ZNF236: variants seen among roughly 807,000 people sequenced by gnomAD.
ZNF236 encodes zinc finger protein 236, also known as regulated by glucose.
ZNF236 carries 50 observed loss-of-function variants against 191.2 expected under a neutral mutation model. The ratio of observed to expected loss-of-function variants is 0.26; its 90% confidence interval spans 0.21 to 0.33. The LOEUF is 0.33. Among genes scored for constraint, ZNF236 ranks in the 10% least tolerant of loss-of-function variants. The pLI, the probability that ZNF236 is intolerant of heterozygous loss-of-function variation, is 1.00. For synonymous variants in ZNF236, 907 were observed against 928.8 expected (o/e 0.98, Z 0.43); for missense variants, 1,754 against 2,374.5 (o/e 0.74, Z 5.43).
Position 76,904,421 on chromosome 18 carries a change from T to G in ZNF236, c.1936T>G (p.Tyr646Asp), listed in dbSNP as rs1205537314. Residue 646 changes from tyrosine (Y) to aspartate (D), a missense_variant, in exon 12 of 31, where the codon TAT becomes GAT. Physicochemically the swap from Tyr to Asp is radical, Grantham distance 160. Around this residue, in one of 5 missense-constraint regions of ZNF236, gnomAD observed 641 missense variants for 869.6 expected, o/e 0.74. Transcript: ENST00000320610. ...PIPKNQFFQS[Y>D]FNNNFVNEAD... ...TCCAAAAAACCAGTTTTTCCAAAGC[T>G]ATTTCAATAATAATTTTGTCAATGA... 6.2e-7 allele frequency: 1 copy of G among 1,609,892 alleles called. No individual in the cohort carries two copies. Among genetic ancestry groups the G allele is most frequent in the South Asian group, 1.1e-5 (1 of 90,430 alleles).
At chr18:76,915,548 A>G in intron 18 of ZNF236, 99 bp from the exon 19 acceptor site, 1 of 1,107,004 alleles carries the variant, frequency 9.0e-7, no homozygotes, top group Non-Finnish European at 1.3e-6. Flanking sequence ...TAATGTTGTA[A>G]CTTATTAAAC....
At position 76,882,595 on chromosome 18, in the gene ZNF236, T is replaced by C. The variant is rs1164955134; in HGVS notation, c.1417+1083T>C. ...TCTTGGGGAACAAGTGCATTCTTGCTACAAAGCATGGAATAACATTGCCAT... is the reference window on the plus strand; with the variant it reads ...TCTTGGGGAACAAGTGCATTCTTGCCACAAAGCATGGAATAACATTGCCAT... On this transcript the variant is annotated intron_variant, in intron 9 of 30. Transcript: ENST00000320610. Among the ~76,000 whole-genome samples the C allele has an allele frequency of 2.6e-5, 4 of 152,354 alleles. No homozygotes were observed. In the East Asian group the frequency reaches 7.7e-4, roughly 29 times the overall value.
intron 7 of ZNF236, among the ~76,000 whole-genome samples, chr18:76,879,347 CCTCTT>C (rs1347726904): frequency 4.6e-5 from 7 of 152,178 alleles, no homozygotes; most frequent in Admixed American, 1.3e-4. Flanking sequence ...ACCATATACT[CCTCTT>C]CTCTTGTGCT....
intron 10 of ZNF236, among the ~76,000 whole-genome samples, chr18:76,897,702 CAAACACAGTACT>C (rs995629699): frequency 2.0e-5 from 3 of 151,952 alleles, no homozygotes; most frequent in East Asian, 1.9e-4. Context: ...CATATAGTAA[CAAACACAGTACT>C]AAACACAGTA....
At chr18:76,900,572 A>C (rs1977560796) in intron 11 of ZNF236, among the ~76,000 whole-genome samples, 1 of 152,192 alleles carries the variant, frequency 6.6e-6, no homozygotes, top group African/African-American at 2.4e-5. Context: ...TTCACTGAAA[A>C]ACTTATAAAA....
At chr18:76,937,674 A>C (rs1312774040) in intron 26 of ZNF236, among the ~76,000 whole-genome samples, 1 of 152,212 alleles carries the variant, frequency 6.6e-6, no homozygotes, top group Non-Finnish European at 1.5e-5. Flanking sequence ...GCAGAAATTT[A>C]TAAAATGATG....
chr18:76,823,189 G>A (rs1197322968), intron 1 of ZNF236, among the ~76,000 whole-genome samples: 1 of 152,118 alleles, frequency 6.6e-6, no homozygotes, highest in East Asian at 1.9e-4. Flanking sequence ...GGGAGGCCGT[G>A]GAGCGCGGGG....
intron 1 of ZNF236, among the ~76,000 whole-genome samples, chr18:76,826,413 C>T (rs1360933901): frequency 2.0e-5 from 3 of 151,322 alleles, no homozygotes; most frequent in East Asian, 2.0e-4. Flanking sequence ...CGTGAGCTAC[C>T]GCGACCGGCC....
At chr18:76,891,424 G>C (rs1216220317) in intron 9 of ZNF236, among the ~76,000 whole-genome samples, 1 of 152,038 alleles carries the variant, frequency 6.6e-6, no homozygotes, top group Admixed American at 6.6e-5. Flanking sequence ...CCAGGCTGCA[G>C]TGTGGTGCCA....
intron 9 of ZNF236, among the ~76,000 whole-genome samples, chr18:76,883,122 GGT>G (rs139145892): frequency 0.016 from 2,415 of 152,274 alleles, 30 homozygotes; most frequent in Middle Eastern, 0.02. Flanking sequence ...CGCATGTGCT[GGT>G]GAAGCAGCTT....
At chr18:76,937,657 A>C (rs575585823) in intron 26 of ZNF236, among the ~76,000 whole-genome samples, 1 of 152,172 alleles carries the variant, frequency 6.6e-6, no homozygotes, top group Non-Finnish European at 1.5e-5. Context: ...CATAGTTATA[A>C]ATTTCTGCAG....
chr18:76,853,388 A>G (rs935549992), intron 3 of ZNF236, among the ~76,000 whole-genome samples: 8 of 152,094 alleles, frequency 5.3e-5, no homozygotes, highest in Non-Finnish European at 1.2e-4. Context: ...CTGACTTCAT[A>G]TTTTCTACGT....
At chr18:76,827,192 G>A (rs939612026) in intron 1 of ZNF236, among the ~76,000 whole-genome samples, 2 of 150,596 alleles carry the variant, frequency 1.3e-5, no homozygotes, top group African/African-American at 2.4e-5. Context: ...CACAGTGCCC[G>A]GCCTGTTGTT....
intron 26 of ZNF236, among the ~76,000 whole-genome samples, chr18:76,937,799 C>G (rs779623919): frequency 2.6e-5 from 4 of 152,124 alleles, no homozygotes; most frequent in Non-Finnish European, 1.5e-5. Flanking sequence ...TGAATTCCTA[C>G]CAGTAGAAGT....
chr18:76,962,689 G>C (rs1968693067), intron 30 of ZNF236, among the ~76,000 whole-genome samples: 2 of 152,326 alleles, frequency 1.3e-5, no homozygotes, highest in South Asian at 4.1e-4. Flanking sequence ...CCAACCATGA[G>C]CATGGGATGT....
Position 76,859,666 on chromosome 18 carries a change from T to C in ZNF236, c.363+7727T>C, listed in dbSNP as rs118060960. On this transcript the variant is annotated intron_variant, in intron 3 of 30. Transcript: ENST00000320610. ...AGACATGATGTTATTGAAACTGAAG[T>C]ACCTCAATCTAGTTTCTGGGTGTTA... Among the ~76,000 whole-genome samples, 293 of 152,304 alleles carry C rather than the reference T, an allele frequency of 1.9e-3. 4 individuals carry two copies. The East Asian group carries it at 0.032, about 17-fold the overall frequency.
At chr18:76,832,713 A>G (rs1975208870) in intron 1 of ZNF236, among the ~76,000 whole-genome samples, 1 of 152,012 alleles carries the variant, frequency 6.6e-6, no homozygotes, top group Non-Finnish European at 1.5e-5. Context: ...AATTGTTGGT[A>G]CTTTTCAATT....
At chr18:76,936,009 C>T (rs772479879) in intron 25 of ZNF236, 3 of 457,046 alleles carry the variant, frequency 6.6e-6, no homozygotes, top group Admixed American at 2.3e-5. Context: ...CAGTGTGGGA[C>T]CCCAGGAGTG....
At chr18:76,855,175 C>T (rs1976007348) in intron 3 of ZNF236, among the ~76,000 whole-genome samples, 1 of 152,230 alleles carries the variant, frequency 6.6e-6, no homozygotes, top group Admixed American at 6.5e-5. Flanking sequence ...CTGCCCACCT[C>T]AGCCTCCCAG....
Sources: gnomAD v4.1 joint callset for allele counts (sites outside exome capture counted in the v4.1 genomes callset) on GRCh38, gnomAD v4.1.1 for gene constraint, gnomAD v4.1.1 regional missense constraint, MANE v1.5 for transcripts, NCBI Gene and HGNC (gene_info 2026-07-23, HGNC 2026-07-21) for gene names.